The following MALRD1 variants were observed in gnomAD, a reference collection of about 807,000 sequenced individuals.
MALRD1 encodes MAM and LDL-receptor class A domain-containing protein 1.
MALRD1 carries 247 observed loss-of-function variants against 242.1 expected under a neutral mutation model. The ratio of observed to expected loss-of-function variants is 1.02; its 90% CI spans 0.92 to 1.13. The LOEUF is 1.13. MALRD1 is among the 50% of genes most tolerant of loss of function. The pLI, the probability that MALRD1 is intolerant of heterozygous loss-of-function variation, is 0.00. For synonymous variants in MALRD1, 995 were observed against 866.6 expected (o/e 1.15, Z -2.60); for missense variants, 2,989 against 2,533.1 (o/e 1.18, Z -3.86).
chr10:19,691,630 C>G (rs1842824345), intron 36 of MALRD1, among the ~76,000 whole-genome samples: 1 of 152,142 alleles, frequency 6.6e-6, no homozygotes, highest in Non-Finnish European at 1.5e-5. Context: ...AACCTTATCC[C>G]TTAGAGGCAG....
intron 10 of MALRD1, among the ~76,000 whole-genome samples, chr10:19,137,357 G>A (rs544094081): frequency 5.6e-4 from 85 of 152,176 alleles, no homozygotes; most frequent in African/African-American, 1.6e-3. Context: ...TGTAATCCCA[G>A]CACTTTGGGA....
chr10:19,459,372 A>G (rs1050990837), intron 29 of MALRD1, among the ~76,000 whole-genome samples: 8 of 152,154 alleles, frequency 5.3e-5, no homozygotes, highest in Non-Finnish European at 8.8e-5. Flanking sequence ...ACATTCAGTC[A>G]TTGCCAGTTA....
At chr10:19,240,816 AT>A (rs1387421562) in intron 18 of MALRD1, among the ~76,000 whole-genome samples, 1 of 152,128 alleles carries the variant, frequency 6.6e-6, no homozygotes, top group Non-Finnish European at 1.5e-5. Flanking sequence ...ATCTGTTGAA[AT>A]GATCACATGG....
intron 28 of MALRD1, among the ~76,000 whole-genome samples, chr10:19,414,740 G>C (rs887255834): frequency 1.3e-5 from 2 of 152,148 alleles, no homozygotes; most frequent in African/African-American, 2.4e-5. Flanking sequence ...AGTCGGCATC[G>C]TCTGAGGCAC....
intron 1 of MALRD1, among the ~76,000 whole-genome samples, chr10:19,056,247 A>G (rs1334358417): frequency 6.6e-6 from 1 of 152,054 alleles, no homozygotes; most frequent in Non-Finnish European, 1.5e-5. Context: ...GAATTTTGAT[A>G]GGGATTGCAT....
chr10:19,264,317 T>G (rs1314102293), intron 19 of MALRD1, among the ~76,000 whole-genome samples: 3 of 152,192 alleles, frequency 2.0e-5, no homozygotes, highest in Admixed American at 6.5e-5. Flanking sequence ...TTTACACTGT[T>G]ATTGAAATCA....
chr10:19,611,825 T>A (rs1297963672), intron 35 of MALRD1, among the ~76,000 whole-genome samples: 1 of 152,046 alleles, frequency 6.6e-6, no homozygotes, highest in East Asian at 1.9e-4. Flanking sequence ...TAGAAACTTA[T>A]AAAATCTTAT....
chr10:19,075,848 C>T (rs1835300350), intron 2 of MALRD1, among the ~76,000 whole-genome samples: 1 of 151,948 alleles, frequency 6.6e-6, no homozygotes, highest in Non-Finnish European at 1.5e-5. Flanking sequence ...GTTATGGAAG[C>T]AATAGAAAAT....
At chr10:19,230,536 T>C (rs896246723) in intron 18 of MALRD1, among the ~76,000 whole-genome samples, 1 of 152,112 alleles carries the variant, frequency 6.6e-6, no homozygotes, top group African/African-American at 2.4e-5. Context: ...GGGTAAGAAC[T>C]CATTCATTAC....
chr10:19,227,130 G>A (rs1490510570), intron 18 of MALRD1, among the ~76,000 whole-genome samples: 5 of 151,614 alleles, frequency 3.3e-5, no homozygotes, highest in African/African-American at 1.2e-4. Context: ...AGGCCTTTTT[G>A]GAGAAATTAC....
intron 38 of MALRD1, among the ~76,000 whole-genome samples, chr10:19,703,221 ATTC>A (rs1345552596): frequency 1.3e-5 from 2 of 152,166 alleles, no homozygotes; most frequent in African/African-American, 2.4e-5. Flanking sequence ...AGCCAGAGGA[ATTC>A]TTCATCTGCC....
At chr10:19,296,369 G>A (rs988689576) in intron 21 of MALRD1, among the ~76,000 whole-genome samples, 2 of 151,758 alleles carry the variant, frequency 1.3e-5, no homozygotes, top group Non-Finnish European at 2.9e-5. Context: ...TTCTTATTTG[G>A]CAAGTTGATA....
intron 32 of MALRD1, 149 bp from the exon 33 acceptor site, chr10:19,567,353 T>C (rs921589968): frequency 5.4e-6 from 4 of 736,698 alleles, no homozygotes; most frequent in Non-Finnish European, 8.7e-6. Flanking sequence ...GCTCACTTTA[T>C]AACCCACAAT....
intron 29 of MALRD1, among the ~76,000 whole-genome samples, chr10:19,486,144 TAATAA>T (rs1156404101): frequency 6.6e-6 from 1 of 152,138 alleles, no homozygotes; most frequent in Non-Finnish European, 1.5e-5. Flanking sequence ...ACTCTTACTA[TAATAA>T]AATATGTTTT....
At chr10:19,558,221 T>A (rs1835811622) in intron 32 of MALRD1, among the ~76,000 whole-genome samples, 1 of 152,136 alleles carries the variant, frequency 6.6e-6, no homozygotes, top group South Asian at 2.1e-4. Flanking sequence ...TCAATTAGTA[T>A]GCTTTTTTCC....
intron 24 of MALRD1, among the ~76,000 whole-genome samples, chr10:19,344,386 T>C (rs777468676): frequency 1.1e-4 from 17 of 152,104 alleles, no homozygotes; most frequent in Non-Finnish European, 1.9e-4. Flanking sequence ...TATAACCAAC[T>C]ACTCCAGCAT....
intron 18 of MALRD1, among the ~76,000 whole-genome samples, chr10:19,223,554 G>C (rs1342978846): frequency 6.6e-6 from 1 of 151,516 alleles, no homozygotes; most frequent in Non-Finnish European, 1.5e-5. Context: ...ATATATATAC[G>C]CACATACATA....
In MALRD1 at chr10:19,447,176, C is replaced by G. The variant is rs117642676; in HGVS notation, c.4846-3131C>G. 8.4e-3 allele frequency among the ~76,000 whole-genome samples: 1,269 copies of G among 151,634 alleles called. 11 individuals carry two copies. Among genetic ancestry groups the G allele is most frequent in the Non-Finnish European group, 0.015 (1,005 of 67,910 alleles). On this transcript the variant is annotated intron_variant, in intron 28 of 39. Coordinates refer to ENST00000454679, the MANE Select transcript of MALRD1 (RefSeq NM_001142308.3). The stretch of plus-strand genomic sequence containing the variant: ...CTTTTTCTCCTGTATTAAATTAGTA[C>G]GTCTCCAGGTAGGCTCCATGTCTTT...
chr10:19,559,319 G>A (rs934068849), intron 32 of MALRD1, among the ~76,000 whole-genome samples: 1 of 151,546 alleles, frequency 6.6e-6, no homozygotes, highest in Admixed American at 6.6e-5. Flanking sequence ...AGGTAACTTG[G>A]CTAGAGGTTT....
Sources: allele counts gnomAD v4.1 joint callset (sites outside exome capture counted in the v4.1 genomes callset), GRCh38; gene constraint gnomAD v4.1.1; transcripts MANE v1.5; gene names NCBI Gene and HGNC (gene_info 2026-07-23, HGNC 2026-07-21).